Variants in APLP1 observed in about 807,000 individuals in gnomAD.
The protein encoded by APLP1 is amyloid beta precursor like protein 1.
Under a neutral mutation model 84.5 loss-of-function variants are expected in APLP1, and 46 were observed. The ratio of observed to expected loss-of-function variants is 0.54; its 90% CI spans 0.43 to 0.70. The LOEUF is 0.70. APLP1 is among the 30% of genes least tolerant of loss of function. The pLI, the probability that APLP1 is intolerant of heterozygous loss-of-function variation, is 0.00. For synonymous variants in APLP1, 376 were observed against 364.0 expected (o/e 1.03, Z -0.38); for missense variants, 826 against 900.2 (o/e 0.92, Z 1.05).
chr19:35,871,292 C>A lies in APLP1; in HGVS notation c.480C>A (p.His160Gln). The A allele has an allele frequency of 1.2e-6, 2 of 1,613,586 alleles. No homozygotes were observed. The highest frequency in any genetic ancestry group is 1.7e-6 in the Non-Finnish European group (2 of 1,179,828). Residue 160 changes from histidine (H) to glutamine (Q), a missense_variant, in exon 4 of 17, where the codon CAC becomes CAA. By Grantham distance (24) the His-to-Gln change is conservative. Transcript: ENST00000221891. ...TGCCTGAAGGCTGCCGGTTCTTGCACCAGGAGCGCATGGACCAATGTGAGA... is the reference window on the plus strand; with the variant it reads ...TGCCTGAAGGCTGCCGGTTCTTGCAACAGGAGCGCATGGACCAATGTGAGA... Reference protein sequence around the residue: ...LLVPEGCRFLHQERMDQCESS... With the variant: ...LLVPEGCRFLQQERMDQCESS...
rs1974160201 is a variant in APLP1 at position 35,871,923 on chromosome 19, A to G, written c.737A>G (p.Glu246Gly). 6.2e-7 allele frequency: 1 copy of G among 1,613,998 alleles called. No individual in the cohort carries two copies. The highest frequency in any genetic ancestry group is 1.3e-5 in the African/African-American group (1 of 74,898). Reference protein sequence around the residue: ...RVEGAEDEEEEESFPQPVDDY... With the variant: ...RVEGAEDEEEGESFPQPVDDY... Reference sequence around the variant, plus strand: ...GAGGGGGCTGAGGACGAGGAAGAGGAGGAATCCTTCCCACAGCCAGTAGAT... The same window carrying G: ...GAGGGGGCTGAGGACGAGGAAGAGGGGGAATCCTTCCCACAGCCAGTAGAT... The change falls in exon 6 of 17, where the codon GAG becomes GGG. Residue 246 changes from glutamate to glycine, a missense_variant. Physicochemically the swap from Glu to Gly is moderately conservative, Grantham distance 98 (BLOSUM62 -2). Transcript: ENST00000221891.
At position 35,879,538 on chromosome 19, in the gene APLP1, A is replaced by G; in HGVS notation, c.*97A>G. ...AGCCTAGGGCAGCAGGGAGTCTTGA[A>G]GTGATCATTTCACACCCTTTTGTGA... On this transcript the variant is annotated 3_prime_UTR_variant, in exon 17 of 17. Coordinates refer to ENST00000221891, the MANE Select transcript of APLP1 (RefSeq NM_001024807.3). 1 of 1,030,756 alleles carries G rather than the reference A, an allele frequency of 9.7e-7. No homozygotes were observed. Among genetic ancestry groups the G allele is most frequent in the Non-Finnish European group, 1.5e-6 (1 of 681,764 alleles). The allele number at this position is 1,030,756 out of a possible 1,614,324, so 63.9% of individuals were successfully genotyped here.
intron 4 of APLP1, 95 bp from the exon 5 acceptor site, chr19:35,871,517 T>C (rs1451979423): frequency 5.9e-5 from 89 of 1,513,406 alleles, no homozygotes; most frequent in Non-Finnish European, 8.1e-5. Context: ...GAATCCAGGC[T>C]CCCAGCCTCA....
Position 35,871,754 on chromosome 19 carries a change from G to A in APLP1, c.671+9G>A, listed in dbSNP as rs751568229. The A allele has an allele frequency of 3.7e-6, 6 of 1,614,058 alleles. No individual in the cohort carries two copies. Among genetic ancestry groups the A allele is most frequent in the Non-Finnish European group, 4.2e-6 (5 of 1,180,000 alleles). On this transcript the variant is annotated intron_variant, in intron 5 of 16. Transcript: ENST00000221891. ...TCTGGGACAGCAGTTGGGTGAGTGG[G>A]AGGGAACCCTCCATGCCCATCTCAA...
At position 35,874,260 on chromosome 19, in the gene APLP1, C is replaced by T. The variant is rs1729740840; in HGVS notation, c.1057-244C>T. ...CACCTTAACATTGGTCAGTTCTGCT[C>T]CCAGATTGCTCCCACTCAATCTTAC... On this transcript the variant is annotated intron_variant, in intron 8 of 16. Transcript: ENST00000221891. The surrounding 1 kb of genome is among the most constrained non-coding windows in gnomAD (Gnocchi z 6.4). 6.6e-6 allele frequency among the ~76,000 whole-genome samples: 1 copy of T among 152,216 alleles called. No homozygotes were observed. Among genetic ancestry groups the T allele is most frequent in the Non-Finnish European group, 1.5e-5 (1 of 68,040 alleles).
At chr19:35,871,442 A>G in intron 4 of APLP1, 93 bp downstream of exon 4, 1 of 1,341,670 alleles carries the variant, frequency 7.5e-7, no homozygotes, top group Non-Finnish European at 1.0e-6. Context: ...AGTCTGGGCC[A>G]CCAGCATCCT....
chr19:35,869,885 T>G (rs1437317763), intron 2 of APLP1, 75 bp downstream of exon 2: 4 of 1,519,920 alleles, frequency 2.6e-6, no homozygotes, highest in Non-Finnish European at 3.5e-6. Context: ...TCCAGGGTGC[T>G]GCGCGATCTA....
rs773656388 is a variant in APLP1, at chr19:35,870,879, C to T, written c.292-17C>T. On this transcript the variant is annotated splice_polypyrimidine_tract_variant and intron_variant, in intron 2 of 16. Coordinates refer to ENST00000221891, the MANE Select transcript of APLP1 (RefSeq NM_001024807.3). ...GGGCGGGGCAGTGGGCTGATTGCCC[C>T]CATCTGATCCCCCCAGATGTACCCG... is the stretch of plus-strand genomic sequence containing the variant. 8.1e-6 allele frequency: 13 copies of T among 1,599,858 alleles called. No homozygotes were observed. Among genetic ancestry groups the T allele is most frequent in the Non-Finnish European group, 1.0e-5 (12 of 1,174,484 alleles).
At chr19:35,869,503 C>G in intron 1 of APLP1, 164 bp from the exon 2 acceptor site, 1 of 988,132 alleles carries the variant, frequency 1.0e-6, no homozygotes. Flanking sequence ...GCGCCCCCGC[C>G]CTACGGGAGC....
intron 7 of APLP1, among the ~76,000 whole-genome samples, chr19:35,873,165 T>G (rs983086703): frequency 2.0e-5 from 3 of 150,870 alleles, no homozygotes; most frequent in African/African-American, 7.3e-5. Context: ...TGGCCTCTCT[T>G]TCACTTTAAA....
In APLP1 at chr19:35,871,886, G is replaced by C; in HGVS notation, c.700G>C (p.Gly234Arg). 1.2e-6 allele frequency: 2 copies of C among 1,614,114 alleles called. No individual in the cohort carries two copies. The highest frequency in any genetic ancestry group is 1.7e-6 in the Non-Finnish European group (2 of 1,180,026). ...CCCCTCCACCCGGTCCTGGCCCCCG[G>C]GGAGCAGAGTAGAGGGGGCTGAGGA... is the stretch of plus-strand genomic sequence containing the variant. ...GDPSTRSWPP[G>R]SRVEGAEDEE... The change falls in exon 6 of 17, where the codon GGG becomes CGG. Residue 234 changes from glycine to arginine, a missense_variant. Gly to Arg is a moderately radical substitution (Grantham distance 125). Coordinates refer to ENST00000221891, the MANE Select transcript of APLP1 (RefSeq NM_001024807.3).
chr19:35,876,141 T>G (rs191539076), intron 10 of APLP1, among the ~76,000 whole-genome samples: 261 of 152,310 alleles, frequency 1.7e-3, no homozygotes, highest in African/African-American at 5.6e-3. Context: ...ATAACTTCAC[T>G]TGTTTTCCCT....
Position 35,874,929 on chromosome 19 carries a change from G to A in APLP1, c.1344+60G>A, listed in dbSNP as rs1392080844. On this transcript the variant is annotated intron_variant, in intron 10 of 16. Transcript: ENST00000221891. The surrounding 1 kb of genome is among the most constrained non-coding windows in gnomAD (Gnocchi z 6.4). ...TATTCCTCAGACGCCCGCGCCTCAG[G>A]CTCTTCTCTTGTCCCTTAGACCCTC... 1.0e-5 allele frequency: 16 copies of A among 1,576,998 alleles called. No homozygotes were observed. In the East Asian group the frequency reaches 3.2e-4, roughly 31 times the overall value.
chr19:35,879,218 G>A lies in APLP1; in HGVS notation c.1857+1G>A. ...GGCTATCAGCCATGGCGTGGTGGAGGTGAGAACCATGGCGTGGTGGAGGTG... is the reference window on the plus strand; with the variant it reads ...GGCTATCAGCCATGGCGTGGTGGAGATGAGAACCATGGCGTGGTGGAGGTG... On this transcript the variant is annotated splice_donor_variant, in intron 16 of 16. Coordinates refer to ENST00000221891, the MANE Select transcript of APLP1 (RefSeq NM_001024807.3). LOFTEE classifies it high-confidence loss of function. 6.2e-7 allele frequency: 1 copy of A among 1,612,236 alleles called. No homozygotes were observed. Among genetic ancestry groups the A allele is most frequent in the Non-Finnish European group, 8.5e-7 (1 of 1,179,442 alleles).
In APLP1 at chr19:35,878,574, T is replaced by G; in HGVS notation, c.1580-10T>G. ...AAAAAAAAAAAGAATGAGATCAGAC[T>G]TGGGGGTAGGGTCCACAGAACAAGA... On this transcript the variant is annotated splice_polypyrimidine_tract_variant and intron_variant, in intron 13 of 16. Coordinates refer to ENST00000221891, the MANE Select transcript of APLP1 (RefSeq NM_001024807.3). 6.2e-7 allele frequency: 1 copy of G among 1,612,512 alleles called. No homozygotes were observed. Among genetic ancestry groups the G allele is most frequent in the Non-Finnish European group, 8.5e-7 (1 of 1,179,496 alleles).
chr19:35,878,280 TCA>T (rs1396746247), intron 13 of APLP1, among the ~76,000 whole-genome samples, 172 bp downstream of exon 13: 1 of 152,144 alleles, frequency 6.6e-6, no homozygotes, highest in African/African-American at 2.4e-5. Flanking sequence ...CGCTGGTGAC[TCA>T]CACCCGTAAT....
At position 35,871,047 on chromosome 19, in the gene APLP1, G is replaced by A. The variant is rs767361507; in HGVS notation, c.424+19G>A. On this transcript the variant is annotated intron_variant, in intron 3 of 16. Transcript: ENST00000221891. The stretch of plus-strand genomic sequence containing the variant: ...TGCCTGCGTGAGTCCCAGGCGGGGA[G>A]AGGGGAACTGAGGTGGGAGTTTCTG... 2.3e-5 allele frequency: 35 copies of A among 1,505,766 alleles called. No homozygotes were observed. Among genetic ancestry groups the A allele is most frequent in the Admixed American group, 1.1e-4 (5 of 45,626 alleles). The allele number at this position is 1,505,766 out of a possible 1,614,324, so 93.3% of individuals were successfully genotyped here.
In APLP1 at chr19:35,877,841, T is replaced by C; in HGVS notation, c.1552+16T>C. ...TCCAAGGATGGTGAGTGAGCCCACA[T>C]ATAGATGACCCCAGACATTAGGGAA... On this transcript the variant is annotated intron_variant, in intron 12 of 16. Coordinates refer to ENST00000221891, the MANE Select transcript of APLP1 (RefSeq NM_001024807.3). The C allele has an allele frequency of 6.3e-7, 1 of 1,593,610 alleles. No homozygotes were observed. The highest frequency in any genetic ancestry group is 1.1e-5 in the South Asian group (1 of 90,124).
rs1288059015 is a variant in APLP1, at chr19:35,874,605, C to G, written c.1158C>G (p.Asp386Glu). 12 of 1,614,032 alleles carry G rather than the reference C, an allele frequency of 7.4e-6. No individual in the cohort carries two copies. The highest frequency in any genetic ancestry group is 1.0e-5 in the Non-Finnish European group (12 of 1,180,038). The change falls in exon 9 of 17, where the codon GAC becomes GAG. Residue 386 changes from aspartate (D) to glutamate (E), a missense_variant. By Grantham distance (45) the Asp-to-Glu change is conservative. Around this residue, in one of 3 missense-constraint regions of APLP1, gnomAD observed 433 missense variants for 496.5 expected, o/e 0.87. Coordinates refer to ENST00000221891, the MANE Select transcript of APLP1 (RefSeq NM_001024807.3). The surrounding 1 kb of genome is among the most constrained non-coding windows in gnomAD (Gnocchi z 6.4). ...HATRVIALIN[D>E]QRRAALEGFL... ...CCCGCGTCATCGCCCTTATCAACGACCAGCGCCGGGCTGCCTTGGAGGGCT... is the reference window on the plus strand; with the variant it reads ...CCCGCGTCATCGCCCTTATCAACGAGCAGCGCCGGGCTGCCTTGGAGGGCT...
Sources: allele counts gnomAD v4.1 joint callset (sites outside exome capture counted in the v4.1 genomes callset), GRCh38; gene constraint gnomAD v4.1.1; regional missense constraint gnomAD v4.1.1; non-coding constraint Gnocchi (gnomAD v3.1); transcripts MANE v1.5; gene names NCBI Gene and HGNC (gene_info 2026-07-23, HGNC 2026-07-21).